The following CERS6 variants were observed in gnomAD, a reference collection of about 807,000 sequenced individuals.
CERS6 encodes the protein LAG1 homolog, ceramide synthase 6.
In CERS6, 26 loss-of-function variants were observed where a neutral mutation model predicts 56.8. The observed-to-expected ratio is 0.46, with a 90% CI of 0.34 to 0.63. The LOEUF (loss-of-function observed/expected upper bound fraction) is 0.63. Ranked by LOEUF, CERS6 falls within the 30% of genes least tolerant of loss-of-function variation. The pLI is 0.01. For missense variants in CERS6, 415 were observed against 467.5 expected (o/e 0.89, Z 1.04); for synonymous variants, 164 against 173.3 (o/e 0.95, Z 0.42).
chr2:168,508,215 G>A (rs751713016), intron 1 of CERS6, among the ~76,000 whole-genome samples: 18 of 152,202 alleles, frequency 1.2e-4, no homozygotes, highest in Non-Finnish European at 2.1e-4. Flanking sequence ...CTAACTCAGT[G>A]TTTGAATAAA....
intron 4 of CERS6, among the ~76,000 whole-genome samples, chr2:168,678,643 G>T (rs62174389): frequency 0.035 from 5,357 of 152,244 alleles, 130 homozygotes; most frequent in East Asian, 0.14. Flanking sequence ...GGGGTTGGGA[G>T]CCTTGAGGAG....
intron 7 of CERS6, among the ~76,000 whole-genome samples, chr2:168,717,236 A>G (rs1037333821): frequency 2.0e-5 from 3 of 152,194 alleles, no homozygotes; most frequent in Non-Finnish European, 2.9e-5. Flanking sequence ...TGACCCATTC[A>G]TGTAGTTTTG....
intron 1 of CERS6, among the ~76,000 whole-genome samples, chr2:168,538,040 C>T (rs1477141557): frequency 6.6e-6 from 1 of 152,130 alleles, no homozygotes; most frequent in African/African-American, 2.4e-5. Flanking sequence ...CTGATCACTT[C>T]TCACTGCCTC....
Position 168,456,505 on chromosome 2 carries a change from C to T in CERS6, c.57C>T (p.Val19=). The T allele has an allele frequency of 6.2e-7, 1 of 1,613,980 alleles. No individual in the cohort carries two copies. ...AGAGGTTTTGGCTCCCGCACAATGT[C>T]ACCTGGGCGGACCTGAAGAACACGG... ...WNERFWLPHN[V]TWADLKNTEE... The change falls in exon 1 of 10, where the codon GTC becomes GTT. Residue 19 remains valine, a synonymous_variant. Coordinates refer to ENST00000305747, the MANE Select transcript of CERS6 (RefSeq NM_203463.3). This position sits in a 1 kb window ranked among gnomAD's most constrained non-coding sequence, Gnocchi z 4.1.
intron 1 of CERS6, among the ~76,000 whole-genome samples, chr2:168,529,241 C>T (rs1379296781): frequency 2.0e-5 from 3 of 152,112 alleles, no homozygotes; most frequent in Admixed American, 6.5e-5. Flanking sequence ...CAGTCATCCT[C>T]GATTGTGAAA....
intron 8 of CERS6, among the ~76,000 whole-genome samples, chr2:168,747,079 A>G (rs569564221): frequency 1.5e-3 from 234 of 151,900 alleles, no homozygotes; most frequent in African/African-American, 5.5e-3. Flanking sequence ...GTAATTTTTA[A>G]TCTAGCCTAG....
chr2:168,745,785 C>G (rs1472657193), intron 8 of CERS6, among the ~76,000 whole-genome samples: 2 of 152,190 alleles, frequency 1.3e-5, no homozygotes, highest in Non-Finnish European at 2.9e-5. Flanking sequence ...GAGTCCTCCC[C>G]AGAATGTGGC....
chr2:168,767,941 G>A (rs778602212), intron 9 of CERS6, among the ~76,000 whole-genome samples: 5 of 152,192 alleles, frequency 3.3e-5, no homozygotes, highest in Non-Finnish European at 7.4e-5. Flanking sequence ...AAAAATATAA[G>A]TAAGCAGTGA....
chr2:168,700,207 T>C (rs548449648), intron 6 of CERS6, among the ~76,000 whole-genome samples: 87 of 152,376 alleles, frequency 5.7e-4, no homozygotes, highest in Non-Finnish European at 1.1e-3. Context: ...TGCTGACTTT[T>C]TGCGGAGAAT....
chr2:168,719,879 T>A (rs576866460), intron 8 of CERS6, among the ~76,000 whole-genome samples: 38 of 152,178 alleles, frequency 2.5e-4, no homozygotes, highest in African/African-American at 4.6e-4. Flanking sequence ...CTTTTTTTTT[T>A]AAAAGATGAA....
At chr2:168,664,038 G>T (rs1373674563) in intron 4 of CERS6, among the ~76,000 whole-genome samples, 2 of 152,194 alleles carry the variant, frequency 1.3e-5, no homozygotes. Context: ...CATTCAGCCA[G>T]ATAAGTGGGA....
chr2:168,763,563 G>GT (rs1304326431), intron 8 of CERS6, among the ~76,000 whole-genome samples: 1 of 151,952 alleles, frequency 6.6e-6, no homozygotes, highest in Non-Finnish European at 1.5e-5. Context: ...TGCCTGGCCT[G>GT]TTTTTTTCTT....
chr2:168,719,535 C>A (rs548463004), intron 8 of CERS6, among the ~76,000 whole-genome samples: 12 of 152,302 alleles, frequency 7.9e-5, no homozygotes, highest in African/African-American at 2.2e-4. Context: ...AAAATTATTT[C>A]CCCTGCCTTA....
intron 9 of CERS6, among the ~76,000 whole-genome samples, chr2:168,768,818 A>G (rs1480916205): frequency 1.3e-5 from 2 of 149,632 alleles, no homozygotes; most frequent in African/African-American, 2.5e-5. Context: ...AGGCAGGAGA[A>G]TTGCCTGAAC....
intron 3 of CERS6, among the ~76,000 whole-genome samples, chr2:168,568,762 A>T (rs985013395): frequency 2.0e-5 from 3 of 152,348 alleles, no homozygotes; most frequent in East Asian, 1.9e-4. Flanking sequence ...GGGCAGTAGT[A>T]TAGTCACTTG....
At chr2:168,612,657 T>A (rs977761726) in intron 3 of CERS6, among the ~76,000 whole-genome samples, 3 of 152,166 alleles carry the variant, frequency 2.0e-5, no homozygotes, top group Non-Finnish European at 4.4e-5. Flanking sequence ...TTGCAGAGAT[T>A]TTGAGTTTCA....
At chr2:168,708,077 T>C (rs1000281361) in intron 6 of CERS6, among the ~76,000 whole-genome samples, 8 of 152,162 alleles carry the variant, frequency 5.3e-5, no homozygotes, top group African/African-American at 1.9e-4. Context: ...GTTTTATATA[T>C]ATTCATCCTG....
In CERS6 at chr2:168,771,970, TATTTC is replaced by T. The variant is rs1439888686; in HGVS notation, c.*2313_*2317del. ...GTCGTCTATGTTATCCAGAGATTTT[TATTTC>T]ATTTTACATTTTAGGGCACAGTTCT... On this transcript the variant is annotated 3_prime_UTR_variant, in exon 10 of 10. Coordinates refer to ENST00000305747, the MANE Select transcript of CERS6 (RefSeq NM_203463.3). 1 of 152,208 alleles carries T rather than the reference TATTTC, an allele frequency of 6.6e-6. No homozygotes were observed. The highest frequency in any genetic ancestry group is 1.5e-5 in the Non-Finnish European group (1 of 68,036). 9.4% of individuals were successfully genotyped at this position (152,208 alleles called of 1,614,324 possible).
intron 1 of CERS6, among the ~76,000 whole-genome samples, chr2:168,488,897 T>C (rs1044572872): frequency 1.3e-5 from 2 of 152,190 alleles, no homozygotes; most frequent in Non-Finnish European, 2.9e-5. Context: ...CTACATACAT[T>C]GAAACCCCAC....
Sources: gnomAD v4.1 joint callset for allele counts (sites outside exome capture counted in the v4.1 genomes callset) on GRCh38, gnomAD v4.1.1 for gene constraint, Gnocchi (gnomAD v3.1) non-coding constraint, MANE v1.5 for transcripts, NCBI Gene and HGNC (gene_info 2026-07-23, HGNC 2026-07-21) for gene names.